The following SLC24A2 variants were observed in gnomAD, a reference collection of about 807,000 sequenced individuals.
SLC24A2 encodes the protein sodium/potassium/calcium exchanger 2.
Under a neutral mutation model 62.0 loss-of-function variants are expected in SLC24A2, and 36 were observed. The observed-to-expected ratio is 0.58, with a 90% CI of 0.44 to 0.77. The LOEUF (loss-of-function observed/expected upper bound fraction) is 0.77. Ranked by LOEUF, SLC24A2 falls within the 30% of genes least tolerant of loss-of-function variation. The pLI is 0.00. For synonymous variants in SLC24A2, 358 were observed against 294.0 expected (o/e 1.22, Z -2.23); for missense variants, 846 against 817.9 (o/e 1.03, Z -0.42).
At chr9:19,626,419 AT>A (rs543989406) in intron 2 of SLC24A2, among the ~76,000 whole-genome samples, 82 of 151,866 alleles carry the variant, frequency 5.4e-4, no homozygotes, top group African/African-American at 1.7e-3. Flanking sequence ...TAACTAAGGG[AT>A]TTTTTTTTGG....
At chr9:19,896,888 T>C in the SLC24A2 span, among the ~76,000 whole-genome samples, 5 of 152,266 alleles carry the variant, frequency 3.3e-5, no homozygotes, top group Admixed American at 1.3e-4. Context: ...TGTCTTGTTA[T>C]GCATGTCATG....
the SLC24A2 span, among the ~76,000 whole-genome samples, chr9:19,843,129 G>T: frequency 2.6e-5 from 4 of 151,846 alleles, no homozygotes; most frequent in Non-Finnish European, 5.9e-5. Flanking sequence ...ATGCAGCCAG[G>T]TTTTTTTTAA....
At position 19,579,508 on chromosome 9, in the gene SLC24A2, G is replaced by A. The variant is rs990546062; in HGVS notation, c.1130-2486C>T. 6.6e-5 allele frequency among the ~76,000 whole-genome samples: 10 copies of A among 152,262 alleles called. No homozygotes were observed. The East Asian group carries it at 1.2e-3, about 18-fold the overall frequency. ...GAGGTTCTGAAACTTTATTGGAGAT[G>A]ATGCTTCTTCTAATAAAATCATCCC... On this transcript the variant is annotated intron_variant, in intron 5 of 10. Transcript: ENST00000341998.
chr9:20,194,359 C>T, the SLC24A2 span, among the ~76,000 whole-genome samples: 98 of 152,156 alleles, frequency 6.4e-4, 1 homozygote, highest in South Asian at 1.2e-3. Context: ...GACTGAAGCC[C>T]GATTCCAGAT....
chr9:20,102,479 C>A, the SLC24A2 span, among the ~76,000 whole-genome samples: 1 of 114,430 alleles, frequency 8.7e-6, no homozygotes, highest in Non-Finnish European at 1.7e-5. Context: ...ACATCACACA[C>A]TGGGGCCTGT....
chr9:20,191,897 G>C, the SLC24A2 span, among the ~76,000 whole-genome samples: 5 of 152,078 alleles, frequency 3.3e-5, no homozygotes, highest in Non-Finnish European at 2.9e-5. Context: ...ACATGTTTAT[G>C]AACAGTTCAA....
chr9:19,528,043 T>A lies in SLC24A2; in HGVS notation c.1569+6A>T. On this transcript the variant is annotated splice_donor_region_variant and intron_variant, in intron 9 of 10. Coordinates refer to ENST00000341998, the MANE Select transcript of SLC24A2 (RefSeq NM_020344.4). ...AGGCAGAGGCATGTCACTATCAAAA[T>A]CTTACCTGGTGCGCCCACCAGACCA... is the stretch of plus-strand genomic sequence containing the variant. The A allele has an allele frequency of 6.4e-7, 1 of 1,550,640 alleles. No individual in the cohort carries two copies. Among genetic ancestry groups the A allele is most frequent in the Non-Finnish European group, 8.8e-7 (1 of 1,133,958 alleles).
chr9:19,610,810 C>A (rs1010151233), intron 4 of SLC24A2, among the ~76,000 whole-genome samples: 2 of 152,194 alleles, frequency 1.3e-5, no homozygotes, highest in Non-Finnish European at 2.9e-5. Flanking sequence ...ATCTACATGG[C>A]TAGAGACATA....
the SLC24A2 span, among the ~76,000 whole-genome samples, chr9:19,881,226 C>T: frequency 6.6e-6 from 1 of 152,172 alleles, no homozygotes; most frequent in East Asian, 1.9e-4. Flanking sequence ...ACCCGAGATC[C>T]TCCAATATTT....
At chr9:20,290,776 G>A in the SLC24A2 span, among the ~76,000 whole-genome samples, 1 of 152,246 alleles carries the variant, frequency 6.6e-6, no homozygotes, top group Non-Finnish European at 1.5e-5. Context: ...CTTTGGGGTT[G>A]TGGAGAAAGG....
chr9:19,591,955 G>A (rs1023167375), intron 5 of SLC24A2, among the ~76,000 whole-genome samples: 1 of 152,172 alleles, frequency 6.6e-6, no homozygotes. Flanking sequence ...TAACAAGAAG[G>A]ACTTATTTTA....
At chr9:19,910,456 G>A in the SLC24A2 span, among the ~76,000 whole-genome samples, 128 of 152,194 alleles carry the variant, frequency 8.4e-4, no homozygotes, top group Middle Eastern at 0.017. Flanking sequence ...AGGCTATAGA[G>A]TTCACCCTTA....
chr9:20,187,353 T>C, the SLC24A2 span, among the ~76,000 whole-genome samples: 134 of 152,342 alleles, frequency 8.8e-4, no homozygotes, highest in Non-Finnish European at 1.6e-3. Flanking sequence ...TCAGAACAGA[T>C]AGTAAAAGAG....
chr9:20,252,041 G>A, the SLC24A2 span, among the ~76,000 whole-genome samples: 9 of 152,140 alleles, frequency 5.9e-5, no homozygotes, highest in African/African-American at 2.2e-4. Context: ...ACTGTCAAAG[G>A]GAATGGGATC....
At chr9:20,069,216 A>C in the SLC24A2 span, among the ~76,000 whole-genome samples, 1 of 152,222 alleles carries the variant, frequency 6.6e-6, no homozygotes, top group African/African-American at 2.4e-5. Context: ...TGCTGAACTT[A>C]GTAAGGGATG....
chr9:20,264,659 A>G, the SLC24A2 span, among the ~76,000 whole-genome samples: 1 of 152,188 alleles, frequency 6.6e-6, no homozygotes, highest in African/African-American at 2.4e-5. Context: ...TATCTAAATT[A>G]TATAGTGTCC....
intron 2 of SLC24A2, among the ~76,000 whole-genome samples, chr9:19,660,394 G>T (rs1712978836): frequency 6.6e-6 from 1 of 152,174 alleles, no homozygotes; most frequent in Admixed American, 6.6e-5. Context: ...GGTCAGTTGT[G>T]ATTCAGGGCA....
chr9:20,099,657 A>T, the SLC24A2 span, among the ~76,000 whole-genome samples: 1 of 152,044 alleles, frequency 6.6e-6, no homozygotes, highest in South Asian at 2.1e-4. Context: ...GGGATGACCA[A>T]ACATCAACCC....
the SLC24A2 span, among the ~76,000 whole-genome samples, chr9:20,239,518 A>AGT: frequency 4.0e-4 from 61 of 151,826 alleles, no homozygotes; most frequent in African/African-American, 1.3e-3. Flanking sequence ...TGTTCCCCAG[A>AGT]CTACCTCATG....
Sources: allele counts gnomAD v4.1 joint callset (sites outside exome capture counted in the v4.1 genomes callset), GRCh38; gene constraint gnomAD v4.1.1; transcripts MANE v1.5; gene names NCBI Gene and HGNC (gene_info 2026-07-23, HGNC 2026-07-21).